Variants in RYR3 observed in about 807,000 individuals in gnomAD.
RYR3 encodes the protein brain ryanodine receptor-calcium release channel.
A neutral mutation model predicts 584.3 loss-of-function variants in RYR3; 207 were observed. That is an observed-to-expected ratio of 0.35 (90% confidence interval 0.32 to 0.40). RYR3 has a LOEUF of 0.40. Ranked by LOEUF, RYR3 falls within the 10% of genes least tolerant of loss-of-function variation. RYR3 has a pLI of 1.00. For synonymous variants in RYR3, 2,416 were observed against 2,248.5 expected, an observed-to-expected ratio of 1.07 and a Z score of -2.11; for missense variants, 5,616 against 6,089.2, an observed-to-expected ratio of 0.92 and a Z score of 2.59.
At chr15:33,635,928 A>G in intron 26 of RYR3, 109 bp downstream of exon 26, 1 of 882,196 alleles carries the variant, frequency 1.1e-6, no homozygotes, top group South Asian at 1.6e-5. Context: ...GTGAGTGACC[A>G]CCACCACTGG....
At chr15:33,763,048 G>A (rs2072645150) in intron 60 of RYR3, among the ~76,000 whole-genome samples, 1 of 152,216 alleles carries the variant, frequency 6.6e-6, no homozygotes, top group Admixed American at 6.5e-5. Context: ...ATGGTGTTGA[G>A]AAAACTGGCT....
chr15:33,772,109 G>T lies in RYR3; in HGVS notation c.9006G>T (p.Thr3002=), dbSNP rs200133020. The T allele has an allele frequency of 6.2e-7, 1 of 1,613,626 alleles. No homozygotes were observed. The highest frequency in any genetic ancestry group is 1.1e-5 in the South Asian group (1 of 90,986). ...YTTVALLPIL[T]SIFEHVTQHQ... The stretch of plus-strand genomic sequence containing the variant: ...CAGTGGCTCTGCTCCCCATCCTGAC[G>T]TCCATCTTTGAGCACGTCACTCAGC... Residue 3002 remains threonine (T), a synonymous_variant, in exon 63 of 104, where the codon ACG becomes ACT. Transcript: ENST00000634891.
chr15:33,601,335 A>C, intron 16 of RYR3, 84 bp from the exon 17 acceptor site: 1,467 of 1,067,542 alleles, frequency 1.4e-3, no homozygotes, highest in Non-Finnish European at 1.9e-3. Context: ...CCCTTTATGG[A>C]CTCCTTCCCT....
chr15:33,510,229 C>G lies in RYR3; in HGVS notation c.279+6491C>G, dbSNP rs113056433. On this transcript the variant is annotated intron_variant, in intron 3 of 103. Coordinates refer to ENST00000634891, the MANE Select transcript of RYR3 (RefSeq NM_001036.6). ...GATTTGGTCTTAATAATGCCACCAA[C>G]TGGAAATTTAACTTCAAGCAAATAT... Among the ~76,000 whole-genome samples the G allele has an allele frequency of 6.4e-3, 970 of 152,298 alleles. 16 individuals are homozygous for G. Among genetic ancestry groups the G allele is most frequent in the African/African-American group, 0.022 (932 of 41,568 alleles).
chr15:33,530,874 A>C (rs182569640), intron 4 of RYR3, among the ~76,000 whole-genome samples: 14 of 152,220 alleles, frequency 9.2e-5, no homozygotes, highest in Admixed American at 7.2e-4. Context: ...TCAATGTCTG[A>C]TACCCCACCT....
At chr15:33,477,788 T>C (rs1218688337) in intron 2 of RYR3, among the ~76,000 whole-genome samples, 2 of 125,582 alleles carry the variant, frequency 1.6e-5, no homozygotes, top group Non-Finnish European at 3.0e-5. Flanking sequence ...GGCGGGAGAA[T>C]GGCATGAACC....
chr15:33,507,168 C>T (rs950512497), intron 3 of RYR3, among the ~76,000 whole-genome samples: 3 of 152,208 alleles, frequency 2.0e-5, no homozygotes, highest in Non-Finnish European at 2.9e-5. Flanking sequence ...ATGACTTCAG[C>T]TGTTTACTCA....
intron 5 of RYR3, among the ~76,000 whole-genome samples, chr15:33,534,283 C>A (rs1391558350): frequency 3.9e-5 from 6 of 152,162 alleles, no homozygotes; most frequent in African/African-American, 1.4e-4. Context: ...CGCCTGTAAT[C>A]CCAGCTACTC....
intron 1 of RYR3, among the ~76,000 whole-genome samples, chr15:33,419,164 A>T (rs2044046135): frequency 6.6e-6 from 1 of 152,182 alleles, no homozygotes. Context: ...TTCCTGAGGA[A>T]GCCTGGGCAG....
At position 33,633,093 on chromosome 15, in the gene RYR3, C is replaced by T. The variant is rs367571039; in HGVS notation, c.3012C>T (p.Thr1004=). ...WAKDRIKQGW[T]YGIQQDLKNK... Reference sequence around the variant, plus strand: ...AAGACAGAATAAAACAAGGATGGACCTATGGCATCCAACAGGTAAGAAATT... The same window carrying T: ...AAGACAGAATAAAACAAGGATGGACTTATGGCATCCAACAGGTAAGAAATT... The change falls in exon 24 of 104, where the codon ACC becomes ACT. Residue 1004 remains threonine, a synonymous_variant. Transcript: ENST00000634891. 7 of 1,613,164 alleles carry T rather than the reference C, an allele frequency of 4.3e-6. No homozygotes were observed. Among genetic ancestry groups the T allele is most frequent in the Non-Finnish European group, 5.1e-6 (6 of 1,179,434 alleles).
chr15:33,743,201 C>G (rs1262350729), intron 52 of RYR3, among the ~76,000 whole-genome samples: 1 of 152,158 alleles, frequency 6.6e-6, no homozygotes, highest in Non-Finnish European at 1.5e-5. Context: ...ACACCTTGAA[C>G]CACCAGCTCA....
At chr15:33,581,775 T>C in intron 14 of RYR3, 132 bp downstream of exon 14, 1 of 773,060 alleles carries the variant, frequency 1.3e-6, no homozygotes, top group Non-Finnish European at 2.1e-6. Flanking sequence ...AGTCTTTTGT[T>C]AACCATTCAA....
intron 1 of RYR3, among the ~76,000 whole-genome samples, chr15:33,331,953 G>T (rs1970424867): frequency 2.0e-5 from 3 of 151,926 alleles, no homozygotes; most frequent in African/African-American, 7.2e-5. Flanking sequence ...ATCATTGTAG[G>T]AGGGTAAAGA....
chr15:33,639,258 G>T (rs182450628), intron 27 of RYR3, among the ~76,000 whole-genome samples: 2 of 152,280 alleles, frequency 1.3e-5, no homozygotes, highest in East Asian at 3.9e-4. Context: ...TTTAATAATA[G>T]AATTGTACTG....
chr15:33,610,235 T>G (rs2060113361), intron 18 of RYR3, among the ~76,000 whole-genome samples: 1 of 152,164 alleles, frequency 6.6e-6, no homozygotes, highest in South Asian at 2.1e-4. Context: ...TGTTAGACAC[T>G]CCTCTTGCTC....
rs146455693 is a variant in RYR3 at position 33,661,539 on chromosome 15, A to G, written c.4623-614A>G. Among the ~76,000 whole-genome samples, 156 of 152,188 alleles carry G rather than the reference A, an allele frequency of 1.0e-3. 1 individual carries two copies. The highest frequency in any genetic ancestry group is 1.9e-3 in the Admixed American group (29 of 15,282). On this transcript the variant is annotated intron_variant, in intron 34 of 103. Transcript: ENST00000634891. ...CATGGAAGACAGTTTTTCCACAGAC[A>G]GTGGTGGGTGAGGCTGGGGGAGGGG...
intron 36 of RYR3, 90 bp downstream of exon 36, chr15:33,663,827 G>C: frequency 1.8e-6 from 2 of 1,142,410 alleles, no homozygotes; most frequent in Non-Finnish European, 2.5e-6. Flanking sequence ...TGGTCTCTGG[G>C]GCAGCCTCAA....
rs373912693 is a variant in RYR3 at position 33,736,329 on chromosome 15, A to G, written c.7515+4A>G. ...ATACTGCAAAATGCCTCTCAAGGTA[A>G]ACATCACTATTGTTACAGAAATACA... On this transcript the variant is annotated splice_donor_region_variant and intron_variant, in intron 49 of 103. Transcript: ENST00000634891. 15 of 1,597,166 alleles carry G rather than the reference A, an allele frequency of 9.4e-6. No homozygotes were observed. The highest frequency in any genetic ancestry group is 1.3e-5 in the African/African-American group (1 of 74,648).
At position 33,670,614 on chromosome 15, in the gene RYR3, T is replaced by C; in HGVS notation, c.5860+58T>C. On this transcript the variant is annotated intron_variant, in intron 38 of 103. Transcript: ENST00000634891. ...TCTTCTAAGACTTAATTAATGTAAC[T>C]TTTTTTAAACAAATACTGTAAGATA... 2.0e-6 allele frequency: 3 copies of C among 1,489,132 alleles called. No homozygotes were observed. In the South Asian group the frequency reaches 4.1e-5, roughly 20 times the overall value. The allele number at this position is 1,489,132 out of a possible 1,614,324, so 92.2% of individuals were successfully genotyped here. A position where few individuals can be genotyped will look rare whatever the true frequency, so the allele number is the denominator to read the frequency against.
Sources: gnomAD v4.1 joint callset for allele counts (sites outside exome capture counted in the v4.1 genomes callset) on GRCh38, gnomAD v4.1.1 for gene constraint, MANE v1.5 for transcripts, NCBI Gene and HGNC (gene_info 2026-07-23, HGNC 2026-07-21) for gene names.